KAZN: variants seen among roughly 807,000 people sequenced by gnomAD.
KAZN encodes the protein kazrin.
In KAZN, 40 loss-of-function variants were observed where a neutral mutation model predicts 87.4. The ratio of observed to expected loss-of-function variants is 0.46; its 90% CI spans 0.36 to 0.60. KAZN has a LOEUF of 0.60. Ranked by LOEUF, KAZN falls within the 20% of genes least tolerant of loss-of-function variation. The pLI is 0.00. For synonymous variants in KAZN, 466 were observed against 458.3 expected, an observed-to-expected ratio of 1.02 and a Z score of -0.22; for missense variants, 898 against 1,073.9, an observed-to-expected ratio of 0.84 and a Z score of 2.29.
chr1:14,793,412 T>C (rs1443591007), intron 1 of KAZN, among the ~76,000 whole-genome samples: 1 of 152,092 alleles, frequency 6.6e-6, no homozygotes, highest in Non-Finnish European at 1.5e-5. Flanking sequence ...AGCTTAGAAG[T>C]TAGGGGCTGA....
intron 2 of KAZN, among the ~76,000 whole-genome samples, chr1:14,578,721 G>A (rs1294875963): frequency 6.6e-6 from 1 of 152,022 alleles, no homozygotes; most frequent in Non-Finnish European, 1.5e-5. Flanking sequence ...TAGTAAATTT[G>A]GTCACACTTA....
In KAZN at chr1:15,056,958, T is replaced by C. The variant is rs184768900; in HGVS notation, c.916+678T>C. Among the ~76,000 whole-genome samples the C allele has an allele frequency of 3.9e-5, 6 of 152,348 alleles. No individual in the cohort carries two copies. In the East Asian group the frequency reaches 1.2e-3, roughly 29 times the overall value. On this transcript the variant is annotated intron_variant, in intron 5 of 14. Transcript: ENST00000376030. The surrounding 1 kb of genome is among the most constrained non-coding windows in gnomAD (Gnocchi z 5.4). The stretch of plus-strand genomic sequence containing the variant: ...CAAGTAGTTGCCCTTATGTGATAGA[T>C]GCAAGTTGGGAACAGGCATCCAGCA...
In KAZN at chr1:14,817,886, G is replaced by T. The variant is rs556270332; in HGVS notation, c.227-142798G>T. 7.2e-5 allele frequency among the ~76,000 whole-genome samples: 11 copies of T among 152,276 alleles called. No individual in the cohort carries two copies. The East Asian group carries it at 1.9e-3, about 27-fold the overall frequency. On this transcript the variant is annotated intron_variant, in intron 1 of 14. Transcript: ENST00000376030. ...CAACAACTACTAGGGAAGATAATAG[G>T]GTTTAGAGCAATTACACAGCCTGTC...
intron 2 of KAZN, among the ~76,000 whole-genome samples, chr1:14,197,911 G>A (rs1221981235): frequency 1.3e-5 from 2 of 152,108 alleles, no homozygotes; most frequent in Non-Finnish European, 2.9e-5. Context: ...GGAGAATGAA[G>A]GGGATGACAT....
intron 2 of KAZN, among the ~76,000 whole-genome samples, chr1:14,981,448 C>G (rs1475601959): frequency 1.3e-5 from 2 of 152,252 alleles, no homozygotes; most frequent in African/African-American, 2.4e-5. Context: ...GGTACCCACT[C>G]TGTGTAGACA....
chr1:14,680,886 A>T (rs1005367497), intron 1 of KAZN, among the ~76,000 whole-genome samples: 1 of 152,214 alleles, frequency 6.6e-6, no homozygotes, highest in Non-Finnish European at 1.5e-5. Flanking sequence ...AAGAGCCTTC[A>T]TTGGCTCCTG....
chr1:14,894,249 G>A (rs970916700), intron 1 of KAZN, among the ~76,000 whole-genome samples: 19 of 151,846 alleles, frequency 1.3e-4, no homozygotes, highest in Admixed American at 9.8e-4. Flanking sequence ...TGCCTGACCC[G>A]ACAGATGGCT....
chr1:14,238,817 A>G (rs6429831), intron 2 of KAZN, among the ~76,000 whole-genome samples: 152,139 of 152,374 alleles, frequency 1, 75,953 homozygotes, highest in Middle Eastern at 1. Context: ...GTGTGTTTGC[A>G]TCACCAGCAC....
intron 2 of KAZN, among the ~76,000 whole-genome samples, chr1:14,299,234 G>A (rs1180260687): frequency 6.6e-6 from 1 of 152,206 alleles, no homozygotes; most frequent in Non-Finnish European, 1.5e-5. Flanking sequence ...CAAGTGTGGT[G>A]GTTCATGCCT....
intron 2 of KAZN, among the ~76,000 whole-genome samples, chr1:14,397,685 C>T (rs568177333): frequency 6.6e-6 from 1 of 151,840 alleles, no homozygotes; most frequent in Admixed American, 6.6e-5. Flanking sequence ...GGTGAAACCC[C>T]ATCTCTACTA....
At chr1:14,888,111 C>A (rs1654291205) in intron 1 of KAZN, among the ~76,000 whole-genome samples, 1 of 152,168 alleles carries the variant, frequency 6.6e-6, no homozygotes, top group Non-Finnish European at 1.5e-5. Flanking sequence ...GGAAATCAAG[C>A]AATCGGGACA....
intron 1 of KAZN, among the ~76,000 whole-genome samples, chr1:14,727,841 G>A (rs1229251731): frequency 6.6e-6 from 1 of 151,894 alleles, no homozygotes; most frequent in Non-Finnish European, 1.5e-5. Context: ...AGAATTCGTG[G>A]GAGCCCTGAG....
At chr1:14,307,098 C>A (rs113220623) in intron 2 of KAZN, among the ~76,000 whole-genome samples, 2,905 of 152,252 alleles carry the variant, frequency 0.019, 97 homozygotes, top group African/African-American at 0.067. Context: ...AGGGGGATTT[C>A]ATAAAGTGAT....
At chr1:14,706,804 C>T (rs7520134) in intron 1 of KAZN, among the ~76,000 whole-genome samples, 38,898 of 151,972 alleles carry the variant, frequency 0.26, 5,695 homozygotes, top group African/African-American at 0.39. Context: ...CTGTTTCCTG[C>T]TGCCTGACTG....
At chr1:13,895,627 A>G (rs1639011059) in intron 1 of KAZN, among the ~76,000 whole-genome samples, 1 of 152,190 alleles carries the variant, frequency 6.6e-6, no homozygotes, top group Non-Finnish European at 1.5e-5. Flanking sequence ...CAACACTGAT[A>G]CGTCTCCAGC....
chr1:14,777,885 T>G (rs1391219202), intron 1 of KAZN, among the ~76,000 whole-genome samples: 1 of 152,082 alleles, frequency 6.6e-6, no homozygotes, highest in Non-Finnish European at 1.5e-5. Flanking sequence ...ATTTGTAAAC[T>G]GTCACGGTGC....
intron 2 of KAZN, among the ~76,000 whole-genome samples, chr1:14,444,604 C>T (rs375312737): frequency 5.3e-5 from 8 of 152,112 alleles, no homozygotes; most frequent in Non-Finnish European, 1.0e-4. Flanking sequence ...TGAGCCACCG[C>T]GTCCGGCCCG....
intron 1 of KAZN, among the ~76,000 whole-genome samples, chr1:13,973,367 C>T (rs914815863): frequency 3.3e-5 from 5 of 152,186 alleles, no homozygotes; most frequent in Non-Finnish European, 5.9e-5. Context: ...TAGCTGTCTT[C>T]CTTACTTTCA....
At chr1:14,177,146 A>AAAAAGGAAGGATTCT (rs1646095220) in intron 1 of KAZN, among the ~76,000 whole-genome samples, 1 of 152,096 alleles carries the variant, frequency 6.6e-6, no homozygotes, top group Admixed American at 6.5e-5. Context: ...TGACACAGCG[A>AAAAAGGAAGGATTCT]GACGCCATCT....
Sources: gnomAD v4.1 joint callset for allele counts (sites outside exome capture counted in the v4.1 genomes callset) on GRCh38, gnomAD v4.1.1 for gene constraint, Gnocchi (gnomAD v3.1) non-coding constraint, MANE v1.5 for transcripts, NCBI Gene and HGNC (gene_info 2026-07-23, HGNC 2026-07-21) for gene names.